The following SKAP1 variants were observed in gnomAD, a reference collection of about 807,000 sequenced individuals.
SKAP1 encodes the protein src kinase-associated phosphoprotein 1.
In SKAP1, 44 loss-of-function variants were observed where a neutral mutation model predicts 58.5. The ratio of observed to expected loss-of-function variants is 0.75; its 90% CI spans 0.59 to 0.97. SKAP1 has a LOEUF of 0.97. Ranked by LOEUF, SKAP1 falls within the 50% of genes least tolerant of loss-of-function variation. The pLI is 0.00. For synonymous variants in SKAP1, 127 were observed against 149.7 expected (o/e 0.85, Z 1.11); for missense variants, 390 against 435.2 (o/e 0.90, Z 0.92).
chr17:48,204,973 T>TTTTCTTTTCTTTC (rs71356522), intron 4 of SKAP1, among the ~76,000 whole-genome samples: 4,824 of 77,208 alleles, frequency 0.062, 201 homozygotes, highest in South Asian at 0.1. Context: ...TTTTCTTTTC[T>TTTTCTTTTCTTTC]TTTCTTTCTT....
At chr17:48,273,936 T>G (rs566179577) in intron 4 of SKAP1, among the ~76,000 whole-genome samples, 1 of 152,178 alleles carries the variant, frequency 6.6e-6, no homozygotes, top group South Asian at 2.1e-4. Context: ...CGTTTACTTT[T>G]AGAGATGGGG....
At chr17:48,419,340 AGTGGTG>A (rs2067768673) in intron 1 of SKAP1, among the ~76,000 whole-genome samples, 1 of 151,484 alleles carries the variant, frequency 6.6e-6, no homozygotes, top group East Asian at 1.9e-4. Flanking sequence ...GCTGGAGTGC[AGTGGTG>A]CTATCTTGGC....
chr17:48,394,932 C>T (rs1388817591), intron 2 of SKAP1, among the ~76,000 whole-genome samples: 1 of 152,172 alleles, frequency 6.6e-6, no homozygotes, highest in East Asian at 1.9e-4. Context: ...CCTCAGTGAT[C>T]TGATAATTAT....
intron 4 of SKAP1, among the ~76,000 whole-genome samples, chr17:48,281,260 G>A (rs530866438): frequency 4.6e-5 from 7 of 152,178 alleles, no homozygotes; most frequent in Admixed American, 4.6e-4. Context: ...TCCTGACCTC[G>A]TGATCCACCC....
At chr17:48,253,920 T>C (rs991160305) in intron 4 of SKAP1, among the ~76,000 whole-genome samples, 2 of 152,286 alleles carry the variant, frequency 1.3e-5, no homozygotes, top group African/African-American at 4.8e-5. Flanking sequence ...GTTCTTCCCC[T>C]TTTTCAGCTT....
At chr17:48,257,266 C>T (rs796655928) in intron 4 of SKAP1, among the ~76,000 whole-genome samples, 5 of 152,040 alleles carry the variant, frequency 3.3e-5, no homozygotes, top group East Asian at 1.9e-4. Context: ...CCATTTTAAC[C>T]GCTAGATGTA....
intron 4 of SKAP1, among the ~76,000 whole-genome samples, chr17:48,215,524 A>C (rs757033447): frequency 6.6e-6 from 1 of 152,228 alleles, no homozygotes; most frequent in African/African-American, 2.4e-5. Flanking sequence ...TGGGCTTTTT[A>C]AAAAGGTATG....
intron 4 of SKAP1, among the ~76,000 whole-genome samples, chr17:48,216,614 C>A (rs1432091890): frequency 2.0e-5 from 3 of 152,038 alleles, no homozygotes; most frequent in African/African-American, 7.3e-5. Context: ...ACCTCAGCCT[C>A]CAGAGTAGCT....
chr17:48,245,558 A>G (rs1288415240), intron 4 of SKAP1, among the ~76,000 whole-genome samples: 2 of 152,220 alleles, frequency 1.3e-5, no homozygotes, highest in Non-Finnish European at 2.9e-5. Flanking sequence ...AGCACTTACT[A>G]TAATAAGTTT....
chr17:48,193,023 A>T (rs2064568750), intron 4 of SKAP1, among the ~76,000 whole-genome samples: 1 of 152,128 alleles, frequency 6.6e-6, no homozygotes, highest in Admixed American at 6.5e-5. Flanking sequence ...ATAGTCAGTA[A>T]GATGTGTTAT....
chr17:48,338,156 T>C (rs1376664369), intron 4 of SKAP1, among the ~76,000 whole-genome samples: 4 of 151,794 alleles, frequency 2.6e-5, no homozygotes, highest in Non-Finnish European at 4.4e-5. Context: ...TTTTCTTTCT[T>C]TCTTTCTTTT....
At chr17:48,391,371 A>C (rs1424360786) in intron 2 of SKAP1, among the ~76,000 whole-genome samples, 3 of 152,194 alleles carry the variant, frequency 2.0e-5, no homozygotes, top group Admixed American at 6.5e-5. Context: ...AAAAACACAT[A>C]AGATGATCTT....
chr17:48,380,456 G>T (rs560088607), intron 2 of SKAP1: 10 of 152,218 alleles, frequency 6.6e-5, no homozygotes, highest in East Asian at 1.9e-4. Context: ...AAAAAACAGG[G>T]TATTCTGATA....
At chr17:48,199,883 A>C (rs566785617) in intron 4 of SKAP1, among the ~76,000 whole-genome samples, 59 of 152,256 alleles carry the variant, frequency 3.9e-4, no homozygotes, top group African/African-American at 1.4e-3. Context: ...CCTGGATTAA[A>C]ATGGGGAAAC....
At chr17:48,194,461 G>C (rs907484269) in intron 4 of SKAP1, among the ~76,000 whole-genome samples, 1 of 152,128 alleles carries the variant, frequency 6.6e-6, no homozygotes, top group African/African-American at 2.4e-5. Flanking sequence ...AGACACGAGA[G>C]CTTATGTGAG....
At chr17:48,403,825 G>A (rs185898064) in intron 1 of SKAP1, among the ~76,000 whole-genome samples, 3 of 152,206 alleles carry the variant, frequency 2.0e-5, no homozygotes, top group Admixed American at 2.0e-4. Context: ...AGTGGGTAAC[G>A]CCTGTAATCC....
chr17:48,225,994 A>T (rs2065064380), intron 4 of SKAP1, among the ~76,000 whole-genome samples: 1 of 152,230 alleles, frequency 6.6e-6, no homozygotes, highest in African/African-American at 2.4e-5. Context: ...CAAGGCGGTT[A>T]GTACAACAGC....
At chr17:48,291,731 C>T (rs1327696251) in intron 4 of SKAP1, among the ~76,000 whole-genome samples, 1 of 152,170 alleles carries the variant, frequency 6.6e-6, no homozygotes, top group Non-Finnish European at 1.5e-5. Context: ...TCTTTGTGCG[C>T]TCTCATTTAA....
chr17:48,151,180 C>A (rs934571922), intron 11 of SKAP1, among the ~76,000 whole-genome samples: 3 of 151,752 alleles, frequency 2.0e-5, no homozygotes, highest in Non-Finnish European at 4.4e-5. Context: ...TCTGCCATTT[C>A]ATAAATAAAA....
Sources: allele counts gnomAD v4.1 joint callset (sites outside exome capture counted in the v4.1 genomes callset), GRCh38; gene constraint gnomAD v4.1.1; transcripts MANE v1.5; gene names NCBI Gene and HGNC (gene_info 2026-07-23, HGNC 2026-07-21).